ATP2B2: variants seen among roughly 807,000 people sequenced by gnomAD.
ATP2B2 encodes plasma membrane calcium-transporting ATPase 2.
In ATP2B2, 15 loss-of-function variants were observed where a neutral mutation model predicts 120.0. That is an observed-to-expected ratio of 0.12 (90% CI 0.08 to 0.19). The LOEUF is 0.19. Among genes scored for constraint, ATP2B2 ranks in the 10% least tolerant of loss-of-function variants. The pLI, the probability that ATP2B2 is intolerant of heterozygous loss-of-function variation, is 1.00. For synonymous variants in ATP2B2, 694 were observed against 700.3 expected (o/e 0.99, Z 0.14); for missense variants, 1,045 against 1,719.8 (o/e 0.61, Z 6.94).
chr3:10,486,804 C>G (rs2065694707), intron 1 of ATP2B2, among the ~76,000 whole-genome samples: 1 of 152,288 alleles, frequency 6.6e-6, no homozygotes, highest in Admixed American at 6.5e-5. Context: ...ACTGTGACCT[C>G]CACCTCCTGG....
intron 6 of ATP2B2, among the ~76,000 whole-genome samples, chr3:10,387,573 G>A (rs2061716454): frequency 6.6e-6 from 1 of 152,240 alleles, no homozygotes; most frequent in Non-Finnish European, 1.5e-5. Flanking sequence ...GGGACCAGAA[G>A]CCTGGGCCTT....
chr3:10,333,636 T>C (rs1469031885), intron 22 of ATP2B2, among the ~76,000 whole-genome samples: 1 of 152,174 alleles, frequency 6.6e-6, no homozygotes. Context: ...GGTCAGGCTC[T>C]TTTTAAGACT....
chr3:10,359,048 T>C, intron 13 of ATP2B2, 123 bp from the exon 14 acceptor site: 1 of 934,736 alleles, frequency 1.1e-6, no homozygotes, highest in Admixed American at 2.2e-5. Context: ...GCCCATCTAG[T>C]TCATCCCCCA....
At chr3:10,568,324 T>C (rs774759414) in intron 2 of ATP2B2, among the ~76,000 whole-genome samples, 1 of 152,178 alleles carries the variant, frequency 6.6e-6, no homozygotes, top group Non-Finnish European at 1.5e-5. Flanking sequence ...TCCACAACCA[T>C]ACACCAAAGC....
At chr3:10,695,567 C>A (rs963647979) in intron 1 of ATP2B2, among the ~76,000 whole-genome samples, 1 of 152,146 alleles carries the variant, frequency 6.6e-6, no homozygotes, top group Non-Finnish European at 1.5e-5. Flanking sequence ...CAGGCTAGGG[C>A]AGACACTACA....
At chr3:10,458,902 G>C (rs1284262680) in intron 1 of ATP2B2, among the ~76,000 whole-genome samples, 1 of 152,166 alleles carries the variant, frequency 6.6e-6, no homozygotes, top group Non-Finnish European at 1.5e-5. Flanking sequence ...CTTGCACTAT[G>C]GCCCTTCCTG....
intron 11 of ATP2B2, among the ~76,000 whole-genome samples, chr3:10,373,916 G>C (rs2061312559): frequency 6.6e-6 from 1 of 152,100 alleles, no homozygotes; most frequent in African/African-American, 2.4e-5. Flanking sequence ...CTCACATTCT[G>C]TCTCTTTTTG....
intron 1 of ATP2B2, among the ~76,000 whole-genome samples, chr3:10,661,642 A>G (rs2070783344): frequency 6.6e-6 from 1 of 152,256 alleles, no homozygotes; most frequent in African/African-American, 2.4e-5. Flanking sequence ...CATGGATAGG[A>G]AGAATCAATA....
chr3:10,407,672 T>C lies in ATP2B2; in HGVS notation c.397+2946A>G, dbSNP rs541428129. 1.7e-3 allele frequency among the ~76,000 whole-genome samples: 258 copies of C among 152,298 alleles called. 1 individual carries two copies. Among genetic ancestry groups the C allele is most frequent in the South Asian group, 0.012 (60 of 4,824 alleles). The stretch of plus-strand genomic sequence containing the variant: ...GTGCTGGGGCTTTGGAACCTGTGGC[T>C]CTAATATGCTCACACTGTCCACCCC... On this transcript the variant is annotated intron_variant, in intron 3 of 22. Coordinates refer to ENST00000360273, the MANE Select transcript of ATP2B2 (RefSeq NM_001001331.4).
chr3:10,464,983 T>A (rs2064673437), intron 1 of ATP2B2, among the ~76,000 whole-genome samples: 1 of 152,220 alleles, frequency 6.6e-6, no homozygotes, highest in African/African-American at 2.4e-5. Flanking sequence ...GCTCCAGGAA[T>A]GTGTCCCACC....
intron 3 of ATP2B2, 151 bp downstream of exon 3, chr3:10,410,467 G>C (rs2062570033): frequency 1.0e-6 from 1 of 987,900 alleles, no homozygotes; most frequent in East Asian, 2.5e-5. Context: ...CCACCCTTTG[G>C]CTGTGTTGGC....
chr3:10,464,412 C>A (rs1048864909), intron 1 of ATP2B2, among the ~76,000 whole-genome samples: 2 of 152,064 alleles, frequency 1.3e-5, no homozygotes, highest in Non-Finnish European at 2.9e-5. Context: ...TCCAAGCCCC[C>A]CAAATAAAAG....
intron 2 of ATP2B2, chr3:10,566,590 T>A (rs1038586397): frequency 6.6e-6 from 1 of 152,230 alleles, no homozygotes. Flanking sequence ...TTAGTTTAGA[T>A]TGAAGAGAAG....
At chr3:10,435,942 C>A (rs1047259066) in intron 2 of ATP2B2, among the ~76,000 whole-genome samples, 4 of 152,192 alleles carry the variant, frequency 2.6e-5, no homozygotes, top group African/African-American at 4.8e-5. Flanking sequence ...TTTTGGCTGT[C>A]CAGTGGCATT....
At chr3:10,692,120 T>C (rs1445219651) in intron 1 of ATP2B2, among the ~76,000 whole-genome samples, 2 of 152,248 alleles carry the variant, frequency 1.3e-5, no homozygotes, top group Non-Finnish European at 2.9e-5. Context: ...AAAGTGGCTC[T>C]ATTTTTTATT....
At chr3:10,440,327 G>A (rs2063621849) in intron 2 of ATP2B2, among the ~76,000 whole-genome samples, 1 of 152,072 alleles carries the variant, frequency 6.6e-6, no homozygotes, top group African/African-American at 2.4e-5. Flanking sequence ...GGAGAAGGCT[G>A]TACTCAGGGC....
chr3:10,342,880 G>A lies in ATP2B2; in HGVS notation c.2789C>T (p.Pro930Leu). The A allele has an allele frequency of 6.2e-7, 1 of 1,614,154 alleles. No homozygotes were observed. ...FASLALATEP[P>L]TETLLLRKPY... is the part of the protein sequence containing the mutation. ...CTTCCTCAGCAGCAGGGTCTCCGTG[G>A]GCGGCTCAGTGGCCAGTGCCAGCGA... The change falls in exon 19 of 23, where the codon CCC (proline) becomes CTC (leucine). Residue 930 changes from proline (P) to leucine (L), a missense_variant. By Grantham distance (98) the Pro-to-Leu change is moderately conservative. This residue lies in a region of ATP2B2 where 98 missense variants were observed against 266.7 expected (regional missense o/e 0.37). Coordinates refer to ENST00000360273, the MANE Select transcript of ATP2B2 (RefSeq NM_001001331.4). The surrounding 1 kb of genome is among the most constrained non-coding windows in gnomAD (Gnocchi z 4.4).
rs749056818 is a variant in ATP2B2 at position 10,512,464 on chromosome 3, G to GCGCGCGCGCACACA, written c.-320+21574_-320+21575insTGTGTGCGCGCGCG. On this transcript the variant is annotated intron_variant, in intron 3 of 21. Coordinates refer to the ATP2B2 transcript ENST00000646379. ...TATTCCTGGGTGCTAAAGTGTGTGC[G>GCGCGCGCGCACACA]CACACACACACACACACACACACAC... Among the ~76,000 whole-genome samples, 709 of 136,902 alleles carry GCGCGCGCGCACACA rather than the reference G, an allele frequency of 5.2e-3. 3 individuals carry two copies. Among genetic ancestry groups the GCGCGCGCGCACACA allele is most frequent in the East Asian group, 0.017 (73 of 4,420 alleles). The allele number at this position is 136,902 out of a possible 152,430, so 89.8% of individuals were successfully genotyped here. A position where few individuals can be genotyped will look rare whatever the true frequency, so the allele number is the denominator to read the frequency against.
intron 2 of ATP2B2, among the ~76,000 whole-genome samples, chr3:10,535,355 C>T (rs1019280958): frequency 6.6e-6 from 1 of 151,928 alleles, no homozygotes; most frequent in African/African-American, 2.4e-5. Flanking sequence ...TGACATCATA[C>T]AATCTACAGC....
Sources: allele counts gnomAD v4.1 joint callset (sites outside exome capture counted in the v4.1 genomes callset), GRCh38; gene constraint gnomAD v4.1.1; regional missense constraint gnomAD v4.1.1; non-coding constraint Gnocchi (gnomAD v3.1); transcripts MANE v1.5; gene names NCBI Gene and HGNC (gene_info 2026-07-23, HGNC 2026-07-21).